The following DLG2 variants were observed in gnomAD, a reference collection of about 807,000 sequenced individuals.
DLG2 encodes the protein disks large homolog 2.
DLG2 carries 45 observed loss-of-function variants against 132.5 expected under a neutral mutation model. That is an observed-to-expected ratio of 0.34 (90% CI 0.27 to 0.44). The LOEUF is 0.44. DLG2 is among the 20% of genes least tolerant of loss of function. The probability of loss-of-function intolerance (pLI) is 1.00; values close to 1 mark genes in which losing one functional copy is unlikely to be tolerated. For missense variants in DLG2, 1,045 were observed against 1,196.9 expected, an observed-to-expected ratio of 0.87 and a Z score of 1.87; for synonymous variants, 424 against 419.6, an observed-to-expected ratio of 1.01 and a Z score of -0.13.
intron 6 of DLG2, among the ~76,000 whole-genome samples, chr11:84,965,296 C>T (rs935389983): frequency 2.0e-5 from 3 of 151,404 alleles, no homozygotes; most frequent in East Asian, 3.9e-4. Context: ...TGTGTGTGTG[C>T]ACGGTTTTAA....
intron 7 of DLG2, among the ~76,000 whole-genome samples, chr11:84,528,445 G>A (rs975898896): frequency 2.6e-5 from 4 of 152,118 alleles, no homozygotes; most frequent in Non-Finnish European, 5.9e-5. Flanking sequence ...AGTAATACAC[G>A]ACGATGGAGA....
At chr11:84,655,906 T>C (rs1341627021) in intron 6 of DLG2, among the ~76,000 whole-genome samples, 1 of 152,220 alleles carries the variant, frequency 6.6e-6, no homozygotes, top group Non-Finnish European at 1.5e-5. Context: ...AATGGCATTC[T>C]GCCAGTTCAT....
intron 6 of DLG2, among the ~76,000 whole-genome samples, chr11:84,964,727 T>C (rs2053084028): frequency 6.6e-6 from 1 of 152,076 alleles, no homozygotes; most frequent in African/African-American, 2.4e-5. Flanking sequence ...TTATGTGGGG[T>C]AAGCAAAATT....
At chr11:84,906,648 G>A (rs2091551700) in intron 6 of DLG2, among the ~76,000 whole-genome samples, 2 of 152,034 alleles carry the variant, frequency 1.3e-5, no homozygotes, top group African/African-American at 4.8e-5. Context: ...CATGGAATTT[G>A]AAGTCTATCA....
intron 2 of DLG2, among the ~76,000 whole-genome samples, chr11:85,618,386 G>A (rs1356036857): frequency 6.6e-6 from 1 of 152,090 alleles, no homozygotes; most frequent in African/African-American, 2.4e-5. Context: ...TATAGTATTC[G>A]TATAGTTCAG....
intron 6 of DLG2, among the ~76,000 whole-genome samples, chr11:85,007,775 CA>C (rs1467427440): frequency 6.6e-6 from 1 of 150,562 alleles, no homozygotes; most frequent in Non-Finnish European, 1.5e-5. Context: ...TTATGTAATA[CA>C]ATCTCCTAGT....
intron 3 of DLG2, among the ~76,000 whole-genome samples, chr11:85,504,481 A>G (rs1268661746): frequency 6.6e-6 from 1 of 152,292 alleles, no homozygotes; most frequent in African/African-American, 2.4e-5. Flanking sequence ...ACCTTTCCCC[A>G]TTTCTTGTTT....
intron 3 of DLG2, among the ~76,000 whole-genome samples, chr11:85,350,586 C>T (rs1452922940): frequency 6.6e-6 from 1 of 152,076 alleles, no homozygotes; most frequent in African/African-American, 2.4e-5. Flanking sequence ...AATTTTTGTA[C>T]AAGGTATAAG....
At chr11:85,217,124 C>T (rs1014629836) in intron 4 of DLG2, among the ~76,000 whole-genome samples, 1 of 151,908 alleles carries the variant, frequency 6.6e-6, no homozygotes, top group Non-Finnish European at 1.5e-5. Flanking sequence ...CAAATATTAA[C>T]TCACAAAGAG....
chr11:84,935,294 A>T (rs990885839), intron 6 of DLG2, among the ~76,000 whole-genome samples: 21 of 152,314 alleles, frequency 1.4e-4, no homozygotes, highest in African/African-American at 4.6e-4. Context: ...CAGATCTATG[A>T]AAGAGATCTT....
At chr11:84,384,948 C>T (rs1567485522) in intron 7 of DLG2, among the ~76,000 whole-genome samples, 1 of 152,052 alleles carries the variant, frequency 6.6e-6, no homozygotes, top group African/African-American at 2.4e-5. Context: ...TTCCATGTGC[C>T]AGGTGCAGGG....
intron 10 of DLG2, among the ~76,000 whole-genome samples, chr11:84,074,686 G>A (rs890729850): frequency 2.6e-5 from 4 of 151,892 alleles, no homozygotes; most frequent in South Asian, 4.2e-4. Context: ...CGGCCACCAC[G>A]CCCGGCTAAT....
intron 19 of DLG2, among the ~76,000 whole-genome samples, chr11:83,582,255 G>A (rs76490908): frequency 0.042 from 6,315 of 152,048 alleles, 469 homozygotes; most frequent in African/African-American, 0.15. Context: ...CTCCCCGGCT[G>A]ACTTTGGAAT....
At chr11:84,476,859 T>G (rs189789546) in intron 7 of DLG2, among the ~76,000 whole-genome samples, 18 of 152,282 alleles carry the variant, frequency 1.2e-4, no homozygotes, top group African/African-American at 4.1e-4. Context: ...ACTGAGGGCT[T>G]AGACATTCAG....
intron 3 of DLG2, among the ~76,000 whole-genome samples, chr11:85,490,198 CA>C (rs907147249): frequency 6.6e-6 from 1 of 151,780 alleles, no homozygotes; most frequent in African/African-American, 2.4e-5. Context: ...TAAAGAAAAA[CA>C]AAAAATAAAT....
chr11:84,676,908 G>C (rs1028055346), intron 6 of DLG2, among the ~76,000 whole-genome samples: 1 of 152,008 alleles, frequency 6.6e-6, no homozygotes, highest in Non-Finnish European at 1.5e-5. Context: ...CAGGCAGATG[G>C]AACAAGTGAG....
chr11:85,588,906 G>A (rs982388095), intron 3 of DLG2, among the ~76,000 whole-genome samples: 4 of 152,134 alleles, frequency 2.6e-5, no homozygotes, highest in African/African-American at 9.7e-5. Flanking sequence ...GATGAGGCTT[G>A]CTGCAAGCCA....
intron 6 of DLG2, among the ~76,000 whole-genome samples, chr11:84,540,865 A>G (rs2099366924): frequency 6.6e-6 from 1 of 152,204 alleles, no homozygotes; most frequent in African/African-American, 2.4e-5. Flanking sequence ...GCAGCCATAA[A>G]AAAGGATGAG....
chr11:85,535,391 T>A (rs943201873), intron 3 of DLG2, among the ~76,000 whole-genome samples: 21 of 152,012 alleles, frequency 1.4e-4, no homozygotes, highest in African/African-American at 4.6e-4. Flanking sequence ...AATAAATATA[T>A]ATATAAAAAT....
Sources: gnomAD v4.1 joint callset for allele counts (sites outside exome capture counted in the v4.1 genomes callset) on GRCh38, gnomAD v4.1.1 for gene constraint, MANE v1.5 for transcripts, NCBI Gene and HGNC (gene_info 2026-07-23, HGNC 2026-07-21) for gene names.